SNAP91: variants seen among roughly 807,000 people sequenced by gnomAD.
SNAP91 encodes clathrin coat assembly protein AP180.
Under a neutral mutation model 100.3 loss-of-function variants are expected in SNAP91, and 27 were observed. The ratio of observed to expected loss-of-function variants is 0.27; its 90% CI spans 0.20 to 0.37. SNAP91 has a LOEUF of 0.37. Ranked by LOEUF, SNAP91 falls within the 10% of genes least tolerant of loss-of-function variation. The pLI, the probability that SNAP91 is intolerant of heterozygous loss-of-function variation, is 1.00. For missense variants in SNAP91, 986 were observed against 1,123.7 expected (o/e 0.88, Z 1.75); for synonymous variants, 404 against 398.6 (o/e 1.01, Z -0.16).
chr6:83,609,681 C>A (rs1184541319), intron 12 of SNAP91, among the ~76,000 whole-genome samples: 1 of 152,144 alleles, frequency 6.6e-6, no homozygotes, highest in Non-Finnish European at 1.5e-5. Context: ...ACTAATAACC[C>A]TAATCCTGTC....
chr6:83,643,396 C>G lies in SNAP91; in HGVS notation c.659-2194G>C, dbSNP rs778221721. Among the ~76,000 whole-genome samples the G allele has an allele frequency of 2.0e-5, 3 of 152,144 alleles. No homozygotes were observed. The East Asian group carries it at 5.8e-4, about 29-fold the overall frequency. ...GTGTAAGGAAGGGTTCCAGTTTCAG[C>G]TTTCTACATATGGCTAGCCAGTTTT... On this transcript the variant is annotated intron_variant, in intron 7 of 29. Coordinates refer to ENST00000369694, the MANE Select transcript of SNAP91 (RefSeq NM_001242792.2).
chr6:83,586,775 CATT>C (rs2092718584), intron 22 of SNAP91, among the ~76,000 whole-genome samples: 1 of 152,130 alleles, frequency 6.6e-6, no homozygotes, highest in South Asian at 2.1e-4. Flanking sequence ...AAGAATTACT[CATT>C]GTTGTTATGG....
chr6:83,607,622 T>C (rs2095714435), intron 13 of SNAP91, 77 bp downstream of exon 13: 2 of 860,828 alleles, frequency 2.3e-6, no homozygotes, highest in African/African-American at 1.7e-5. Context: ...TGAAATCATT[T>C]GGGTACAGCA....
intron 8 of SNAP91, among the ~76,000 whole-genome samples, chr6:83,626,732 GTTGT>G (rs1449427062): frequency 6.6e-6 from 1 of 152,062 alleles, no homozygotes; most frequent in Non-Finnish European, 1.5e-5. Flanking sequence ...CTTTACTGAA[GTTGT>G]TTATCAGGTC....
intron 2 of SNAP91, among the ~76,000 whole-genome samples, chr6:83,674,771 T>C (rs1006349527): frequency 1.3e-5 from 2 of 152,192 alleles, no homozygotes; most frequent in Non-Finnish European, 1.5e-5. Flanking sequence ...GCTATCTTTT[T>C]CCCATGCGGA....
chr6:83,659,132 T>A, intron 5 of SNAP91, 40 bp from the exon 6 acceptor site: 1 of 1,434,850 alleles, frequency 7.0e-7, no homozygotes, highest in East Asian at 2.4e-5. Context: ...TTTCATTGGA[T>A]ATGGACAATT....
intron 24 of SNAP91, among the ~76,000 whole-genome samples, chr6:83,578,971 T>C (rs1005731160): frequency 2.0e-5 from 3 of 152,172 alleles, no homozygotes; most frequent in Non-Finnish European, 4.4e-5. Flanking sequence ...CTTTCCCCAA[T>C]TTTTTTCTCC....
intron 13 of SNAP91, among the ~76,000 whole-genome samples, chr6:83,606,021 GT>G (rs1422345124): frequency 6.6e-6 from 1 of 152,204 alleles, no homozygotes; most frequent in African/African-American, 2.4e-5. Context: ...TTGAGGGCCA[GT>G]TGGTCTCTAT....
At chr6:83,599,465 G>A (rs535367477) in intron 16 of SNAP91, among the ~76,000 whole-genome samples, 2 of 152,094 alleles carry the variant, frequency 1.3e-5, no homozygotes, top group Non-Finnish European at 2.9e-5. Context: ...GAGGGTGGGG[G>A]AAGGATAGAT....
intron 21 of SNAP91, among the ~76,000 whole-genome samples, chr6:83,592,168 A>G (rs2093851032): frequency 6.6e-6 from 1 of 152,228 alleles, no homozygotes; most frequent in South Asian, 2.1e-4. Context: ...GTTGAAGGAA[A>G]TTCCAGTCAG....
chr6:83,707,656 A>C, intron 2 of SNAP91, 142 bp downstream of exon 2: 1 of 1,143,106 alleles, frequency 8.7e-7, no homozygotes, highest in Non-Finnish European at 1.2e-6. Flanking sequence ...ACACCTTCAC[A>C]GCTGAAGAAT....
chr6:83,609,356 T>C (rs1234878059), intron 12 of SNAP91, among the ~76,000 whole-genome samples: 1 of 152,162 alleles, frequency 6.6e-6, no homozygotes, highest in East Asian at 1.9e-4. Flanking sequence ...ATATTGGAGT[T>C]TTTCACATAG....
intron 7 of SNAP91, among the ~76,000 whole-genome samples, chr6:83,642,609 T>C (rs1045523224): frequency 2.6e-5 from 4 of 152,248 alleles, no homozygotes; most frequent in Non-Finnish European, 5.9e-5. Flanking sequence ...TTTGGGTTGG[T>C]TCCAAGTCTT....
chr6:83,685,491 T>C (rs1046589429), intron 2 of SNAP91, among the ~76,000 whole-genome samples: 2 of 152,220 alleles, frequency 1.3e-5, no homozygotes, highest in African/African-American at 4.8e-5. Flanking sequence ...TTTCAGCAGG[T>C]TGTAAGACTA....
chr6:83,702,654 G>C (rs1472043267), intron 2 of SNAP91, among the ~76,000 whole-genome samples: 5 of 150,288 alleles, frequency 3.3e-5, no homozygotes, highest in Non-Finnish European at 5.9e-5. Context: ...AAATCAAATT[G>C]AGTTATCAAT....
At chr6:83,617,381 A>G (rs2096541124) in intron 9 of SNAP91, among the ~76,000 whole-genome samples, 1 of 151,990 alleles carries the variant, frequency 6.6e-6, no homozygotes, top group Admixed American at 6.6e-5. Flanking sequence ...GTAAAAATGA[A>G]TAAGTGTTTG....
chr6:83,615,846 A>G (rs991707682), intron 10 of SNAP91, among the ~76,000 whole-genome samples: 2 of 152,224 alleles, frequency 1.3e-5, no homozygotes, highest in South Asian at 2.1e-4. Context: ...CAGAGGCAAC[A>G]AAGTCAGAAA....
intron 14 of SNAP91, among the ~76,000 whole-genome samples, chr6:83,605,370 C>T (rs2095545761): frequency 6.6e-6 from 1 of 151,918 alleles, no homozygotes; most frequent in Non-Finnish European, 1.5e-5. Context: ...CTCTAGAGAA[C>T]AATTACTAAA....
Position 83,648,842 on chromosome 6 carries a change from A to C in SNAP91, c.659-7640T>G, listed in dbSNP as rs192099595. Among the ~76,000 whole-genome samples, 935 of 152,242 alleles carry C rather than the reference A, an allele frequency of 6.1e-3. 8 individuals are homozygous for C. Among genetic ancestry groups the C allele is most frequent in the African/African-American group, 0.022 (902 of 41,546 alleles). On this transcript the variant is annotated intron_variant, in intron 7 of 29. Coordinates refer to ENST00000369694, the MANE Select transcript of SNAP91 (RefSeq NM_001242792.2). ...CTGAGTTCTTTTATTTGTTCTTGAT[A>C]GGCATCCCTAAAACATAAATACATA...
Sources: allele counts gnomAD v4.1 joint callset (sites outside exome capture counted in the v4.1 genomes callset), GRCh38; gene constraint gnomAD v4.1.1; transcripts MANE v1.5; gene names NCBI Gene and HGNC (gene_info 2026-07-23, HGNC 2026-07-21).